The following FBXL7 variants were observed in gnomAD, a reference collection of about 807,000 sequenced individuals.
FBXL7 encodes the protein F-box and leucine rich repeat protein 7.
A neutral mutation model predicts 38.3 loss-of-function variants in FBXL7; 12 were observed. The observed-to-expected ratio is 0.31, with a 90% CI of 0.20 to 0.51. The LOEUF is 0.51. FBXL7 is among the 20% of genes least tolerant of loss of function. The pLI is 0.98. For synonymous variants in FBXL7, 297 were observed against 300.9 expected, an observed-to-expected ratio of 0.99 and a Z score of 0.13; for missense variants, 567 against 676.4, an observed-to-expected ratio of 0.84 and a Z score of 1.79.
At chr5:15,800,297 C>A (rs1470273930) in intron 2 of FBXL7, among the ~76,000 whole-genome samples, 2 of 152,112 alleles carry the variant, frequency 1.3e-5, no homozygotes, top group African/African-American at 4.8e-5. Flanking sequence ...CATCTTGCTT[C>A]TCAGTTACAT....
At chr5:15,856,117 G>A (rs1208600920) in intron 2 of FBXL7, among the ~76,000 whole-genome samples, 1 of 152,130 alleles carries the variant, frequency 6.6e-6, no homozygotes, top group Non-Finnish European at 1.5e-5. Context: ...GGAGATCTCA[G>A]AATCATGACA....
At chr5:15,887,341 A>G (rs1420950275) in intron 2 of FBXL7, among the ~76,000 whole-genome samples, 2 of 152,214 alleles carry the variant, frequency 1.3e-5, no homozygotes, top group African/African-American at 4.8e-5. Context: ...GAGAGGGAGA[A>G]CGAGGGAGGA....
chr5:15,666,289 A>G (rs1004271002), intron 2 of FBXL7, among the ~76,000 whole-genome samples: 2 of 152,184 alleles, frequency 1.3e-5, no homozygotes, highest in African/African-American at 4.8e-5. Flanking sequence ...TACACATAGC[A>G]TGAAATTTAC....
chr5:15,900,463 G>A (rs1741208011), intron 2 of FBXL7, among the ~76,000 whole-genome samples: 1 of 152,138 alleles, frequency 6.6e-6, no homozygotes, highest in Non-Finnish European at 1.5e-5. Context: ...CATGGTAAGA[G>A]ACAGAATGAC....
intron 2 of FBXL7, among the ~76,000 whole-genome samples, chr5:15,741,093 C>G (rs941404858): frequency 6.6e-6 from 1 of 152,096 alleles, no homozygotes; most frequent in African/African-American, 2.4e-5. Flanking sequence ...TTTCTCAATG[C>G]AAACAGGTGG....
intron 2 of FBXL7, among the ~76,000 whole-genome samples, chr5:15,755,036 A>G (rs1291157137): frequency 6.6e-6 from 1 of 152,118 alleles, no homozygotes; most frequent in African/African-American, 2.4e-5. Context: ...GAATGGCTTG[A>G]GTTTATTTCT....
chr5:15,787,045 C>T (rs542842006), intron 2 of FBXL7, among the ~76,000 whole-genome samples: 3 of 152,276 alleles, frequency 2.0e-5, no homozygotes, highest in African/African-American at 7.2e-5. Context: ...AGCCACAAAT[C>T]AAGGAACAGC....
chr5:15,672,668 C>A (rs939538635), intron 2 of FBXL7, among the ~76,000 whole-genome samples: 3 of 151,708 alleles, frequency 2.0e-5, no homozygotes, highest in African/African-American at 7.3e-5. Flanking sequence ...AATTCTCCTG[C>A]CTCAGCCTCC....
intron 2 of FBXL7, among the ~76,000 whole-genome samples, chr5:15,916,246 G>C (rs567758526): frequency 2.0e-5 from 3 of 152,224 alleles, no homozygotes; most frequent in African/African-American, 7.2e-5. Flanking sequence ...CTGAGGACCT[G>C]AATTTTCAGT....
chr5:15,829,839 G>A (rs1738406636), intron 2 of FBXL7, among the ~76,000 whole-genome samples: 1 of 152,110 alleles, frequency 6.6e-6, no homozygotes, highest in African/African-American at 2.4e-5. Context: ...ATAATAAGGT[G>A]TGACACTTGG....
chr5:15,626,280 C>T (rs1740814753), intron 2 of FBXL7, among the ~76,000 whole-genome samples: 1 of 152,142 alleles, frequency 6.6e-6, no homozygotes, highest in Non-Finnish European at 1.5e-5. Flanking sequence ...CCACTTACAT[C>T]TGGTGATTTG....
intron 2 of FBXL7, among the ~76,000 whole-genome samples, chr5:15,896,456 G>A (rs1741105927): frequency 6.6e-6 from 1 of 152,184 alleles, no homozygotes; most frequent in Non-Finnish European, 1.5e-5. Flanking sequence ...TTCCAGCTAG[G>A]GTGTGGGAGA....
At chr5:15,718,682 G>A (rs4273602) in intron 2 of FBXL7, among the ~76,000 whole-genome samples, 110,137 of 152,214 alleles carry the variant, frequency 0.72, 40,229 homozygotes, top group East Asian at 0.87. Flanking sequence ...GAAAAAATAC[G>A]TGGTGTTTAA....
intron 1 of FBXL7, among the ~76,000 whole-genome samples, chr5:15,614,291 A>G (rs1740367553): frequency 6.9e-6 from 1 of 145,106 alleles, no homozygotes; most frequent in African/African-American, 2.6e-5. Context: ...TTTTTTTGAG[A>G]CGGGCTCTCA....
chr5:15,820,998 G>A (rs368473569), intron 2 of FBXL7, among the ~76,000 whole-genome samples: 3 of 152,146 alleles, frequency 2.0e-5, no homozygotes, highest in Admixed American at 6.5e-5. Context: ...AAGTGCTGTC[G>A]TGGAACTGGG....
At chr5:15,803,363 CA>C (rs1737621032) in intron 2 of FBXL7, among the ~76,000 whole-genome samples, 2 of 151,946 alleles carry the variant, frequency 1.3e-5, no homozygotes, top group Non-Finnish European at 2.9e-5. Context: ...ATTTAAAAAT[CA>C]AAAAGAAAAG....
chr5:15,564,526 T>A (rs1224744368), intron 1 of FBXL7, among the ~76,000 whole-genome samples: 1 of 151,776 alleles, frequency 6.6e-6, no homozygotes, highest in African/African-American at 2.4e-5. Flanking sequence ...TTTAAGTAGA[T>A]ATACACGCCC....
intron 2 of FBXL7, among the ~76,000 whole-genome samples, chr5:15,653,875 C>G (rs1446723492): frequency 1.3e-5 from 2 of 152,194 alleles, no homozygotes; most frequent in Non-Finnish European, 2.9e-5. Flanking sequence ...AAGACATGCA[C>G]CTTCAGTTTT....
intron 2 of FBXL7, among the ~76,000 whole-genome samples, chr5:15,806,957 TC>T (rs1228859387): frequency 6.6e-6 from 1 of 152,096 alleles, no homozygotes; most frequent in African/African-American, 2.4e-5. Flanking sequence ...TCTTTTCTTT[TC>T]CTTTTTTTTG....
Sources: gnomAD v4.1 joint callset for allele counts (sites outside exome capture counted in the v4.1 genomes callset) on GRCh38, gnomAD v4.1.1 for gene constraint, MANE v1.5 for transcripts, NCBI Gene and HGNC (gene_info 2026-07-23, HGNC 2026-07-21) for gene names.